Variants in BANK1 observed in about 807,000 individuals in gnomAD.
BANK1 encodes the protein B cell scaffold protein with ankyrin repeats 1, also known as B-cell scaffold protein with ankyrin repeats.
BANK1 carries 95 observed loss-of-function variants against 94.5 expected under a neutral mutation model. The observed-to-expected ratio is 1.00, with a 90% CI of 0.85 to 1.19. The LOEUF is 1.19. BANK1 is among the 50% of genes most tolerant of loss of function. The pLI is 0.00. For synonymous variants in BANK1, 334 were observed against 308.4 expected (o/e 1.08, Z -0.87); for missense variants, 987 against 932.2 (o/e 1.06, Z -0.77).
intron 1 of BANK1, among the ~76,000 whole-genome samples, chr4:101,794,332 A>G (rs978779649): frequency 6.6e-6 from 1 of 152,142 alleles, no homozygotes; most frequent in Non-Finnish European, 1.5e-5. Flanking sequence ...AATATTTACT[A>G]CTGGGTTAAA....
At chr4:101,924,339 A>T (rs1414673461) in intron 7 of BANK1, among the ~76,000 whole-genome samples, 1 of 55,728 alleles carries the variant, frequency 1.8e-5, no homozygotes, top group East Asian at 3.4e-4. Context: ...CTCAGGAATA[A>T]CTATTCTCAG....
intron 1 of BANK1, among the ~76,000 whole-genome samples, chr4:101,814,994 C>A (rs560408646): frequency 6.6e-6 from 1 of 152,216 alleles, no homozygotes; most frequent in Non-Finnish European, 1.5e-5. Context: ...CAATAAATAA[C>A]CCTCTTCAAT....
At chr4:102,014,304 C>G (rs114157400) in intron 7 of BANK1, among the ~76,000 whole-genome samples, 3,894 of 152,236 alleles carry the variant, frequency 0.026, 94 homozygotes, top group Non-Finnish European at 0.039. Context: ...TAACTTTGCT[C>G]TTTGCCATTT....
intron 11 of BANK1, among the ~76,000 whole-genome samples, chr4:102,056,021 C>T (rs1236181015): frequency 2.6e-5 from 4 of 152,030 alleles, no homozygotes; most frequent in Admixed American, 6.6e-5. Flanking sequence ...ATGCTCTAAG[C>T]TACAGGACTC....
Position 101,807,440 on chromosome 4 carries a change from A to G in BANK1, c.70+16490A>G, listed in dbSNP as rs543154761. ...ATAGTGTTGGAATTCATGAGGAACC[A>G]GAGCTCCAAACCGAGACATTGTCCT... On this transcript the variant is annotated intron_variant, in intron 1 of 16. Coordinates refer to ENST00000322953, the MANE Select transcript of BANK1 (RefSeq NM_017935.5). Among the ~76,000 whole-genome samples, 15 of 152,300 alleles carry G rather than the reference A, an allele frequency of 9.8e-5. No homozygotes were observed. In the East Asian group the frequency reaches 2.5e-3, roughly 26 times the overall value.
intron 1 of BANK1, among the ~76,000 whole-genome samples, chr4:101,796,737 T>G (rs989512447): frequency 2.0e-5 from 3 of 152,180 alleles, no homozygotes; most frequent in African/African-American, 4.8e-5. Context: ...TCCCATGTTT[T>G]GTTAACAGGA....
chr4:101,953,559 G>A (rs191990858), intron 7 of BANK1, among the ~76,000 whole-genome samples: 1 of 151,748 alleles, frequency 6.6e-6, no homozygotes, highest in African/African-American at 2.4e-5. Flanking sequence ...AAAAAATCAA[G>A]TGTTTCAAAG....
chr4:101,839,266 G>A (rs1032593232), intron 2 of BANK1, among the ~76,000 whole-genome samples: 2 of 152,010 alleles, frequency 1.3e-5, no homozygotes, highest in Admixed American at 6.6e-5. Context: ...CATAATAGAA[G>A]GGTTGAAATT....
At chr4:101,907,461 A>G (rs1722493287) in intron 6 of BANK1, among the ~76,000 whole-genome samples, 1 of 152,222 alleles carries the variant, frequency 6.6e-6, no homozygotes, top group South Asian at 2.1e-4. Context: ...CTGAATGGGG[A>G]AAAACTGGAA....
rs780988902 is a variant in BANK1, at chr4:101,932,306, T to C, written c.1206+14117T>C. On this transcript the variant is annotated intron_variant, in intron 7 of 16. Coordinates refer to ENST00000322953, the MANE Select transcript of BANK1 (RefSeq NM_017935.5). The stretch of plus-strand genomic sequence containing the variant: ...CCCTTTGGCAAGTAGATCTATTAAA[T>C]AGAATTTGAATAATGTTTTTATATA... 2.2e-4 allele frequency among the ~76,000 whole-genome samples: 33 copies of C among 151,672 alleles called. No homozygotes were observed. The South Asian group carries it at 3.3e-3, about 15-fold the overall frequency.
In BANK1 at chr4:101,830,169, A is replaced by G; in HGVS notation, c.432A>G (p.Glu144=). 6.3e-7 allele frequency: 1 copy of G among 1,588,744 alleles called. No individual in the cohort carries two copies. The highest frequency in any genetic ancestry group is 8.5e-7 in the Non-Finnish European group (1 of 1,171,096). ...AGATCTCAACTGAACAGGAACCTGA[A>G]GACTACATCTCTGTAATCCAGAGTA... The part of the protein sequence containing the change: ...RWEISTEQEP[E]DYISVIQSII... The change falls in exon 2 of 17, where the codon GAA becomes GAG. Residue 144 remains glutamate, a synonymous_variant. Coordinates refer to ENST00000322953, the MANE Select transcript of BANK1 (RefSeq NM_017935.5).
intron 2 of BANK1, among the ~76,000 whole-genome samples, chr4:101,853,829 G>T (rs979523682): frequency 3.3e-5 from 5 of 152,084 alleles, no homozygotes; most frequent in Non-Finnish European, 7.4e-5. Context: ...TAGAGGGCAG[G>T]AGAAATGAGA....
At chr4:101,950,930 C>G (rs1724127769) in intron 7 of BANK1, among the ~76,000 whole-genome samples, 1 of 152,094 alleles carries the variant, frequency 6.6e-6, no homozygotes, top group African/African-American at 2.4e-5. Flanking sequence ...CAGACAATAC[C>G]TGACCAGCAG....
At chr4:101,816,994 A>C (rs1233421502) in intron 1 of BANK1, among the ~76,000 whole-genome samples, 1 of 152,170 alleles carries the variant, frequency 6.6e-6, no homozygotes, top group Non-Finnish European at 1.5e-5. Flanking sequence ...CAGAAATTTA[A>C]TAAAGCTTTG....
At chr4:101,795,074 T>A (rs966626356) in intron 1 of BANK1, among the ~76,000 whole-genome samples, 1 of 151,078 alleles carries the variant, frequency 6.6e-6, no homozygotes, top group Non-Finnish European at 1.5e-5. Context: ...TTTTTTTTCA[T>A]CTGATACATG....
chr4:102,039,876 T>G (rs1727649071), intron 10 of BANK1, among the ~76,000 whole-genome samples: 1 of 152,102 alleles, frequency 6.6e-6, no homozygotes, highest in African/African-American at 2.4e-5. Context: ...ATATAAAGTC[T>G]CTATTTTCAA....
intron 5 of BANK1, among the ~76,000 whole-genome samples, chr4:101,889,395 G>A (rs569081492): frequency 8.6e-4 from 130 of 151,742 alleles, no homozygotes; most frequent in Middle Eastern, 6.8e-3. Flanking sequence ...TCAGGAGATC[G>A]AGACCATCCT....
intron 1 of BANK1, among the ~76,000 whole-genome samples, chr4:101,802,957 CTG>C (rs1443090158): frequency 1.3e-5 from 2 of 152,108 alleles, no homozygotes; most frequent in Admixed American, 6.5e-5. Flanking sequence ...GTAGCATATA[CTG>C]TGTGTTCTTT....
intron 7 of BANK1, among the ~76,000 whole-genome samples, chr4:101,942,539 C>G (rs777397733): frequency 3.3e-5 from 5 of 151,812 alleles, no homozygotes; most frequent in Non-Finnish European, 7.4e-5. Context: ...TGGGCAAGCT[C>G]TAAGGAATTC....
Sources: allele counts gnomAD v4.1 joint callset (sites outside exome capture counted in the v4.1 genomes callset), GRCh38; gene constraint gnomAD v4.1.1; transcripts MANE v1.5; gene names NCBI Gene and HGNC (gene_info 2026-07-23, HGNC 2026-07-21).